Variants in TPCN1 observed in about 807,000 individuals in gnomAD.
TPCN1 encodes two pore channel protein 1.
A neutral mutation model predicts 108.8 loss-of-function variants in TPCN1; 52 were observed. That is an observed-to-expected ratio of 0.48 (90% CI 0.38 to 0.60). The LOEUF is 0.60. TPCN1 is among the 20% of genes least tolerant of loss of function. TPCN1 has a pLI of 0.00. For synonymous variants in TPCN1, 446 were observed against 433.7 expected (o/e 1.03, Z -0.35); for missense variants, 806 against 1,072.8 (o/e 0.75, Z 3.47).
chr12:113,272,564 C>T lies in TPCN1; in HGVS notation c.749-94C>T, dbSNP rs1955538930. 8 of 1,140,310 alleles carry T rather than the reference C, an allele frequency of 7.0e-6. No individual in the cohort carries two copies. Among genetic ancestry groups the T allele is most frequent in the African/African-American group, 1.5e-5 (1 of 65,334 alleles). The allele number at this position is 1,140,310 out of a possible 1,614,324, so 70.6% of individuals were successfully genotyped here. ...CCCTGCTGCTCTTCCTGACCTGCTGCGTTCATTTGCATGTATTTGTCCAGT... is the reference window on the plus strand; with the variant it reads ...CCCTGCTGCTCTTCCTGACCTGCTGTGTTCATTTGCATGTATTTGTCCAGT... On this transcript the variant is annotated intron_variant, in intron 7 of 27. Coordinates refer to ENST00000335509, the MANE Select transcript of TPCN1 (RefSeq NM_017901.6). The surrounding 1 kb of genome is among the most constrained non-coding windows in gnomAD (Gnocchi z 4.1).
In TPCN1 at chr12:113,232,748, T is replaced by TC. The variant is rs1267435293; in HGVS notation, c.112+5785dup. ...TGAGAGCATGTGTGTGATCACATGG[T>TC]CAGTGCTCAGCCGGTCATAGGCATT... On this transcript the variant is annotated intron_variant, in intron 2 of 27. Transcript: ENST00000335509. This position sits in a 1 kb window ranked among gnomAD's most constrained non-coding sequence, Gnocchi z 5.6. 6.6e-6 allele frequency among the ~76,000 whole-genome samples: 1 copy of TC among 152,160 alleles called. No individual in the cohort carries two copies. Among genetic ancestry groups the TC allele is most frequent in the African/African-American group, 2.4e-5 (1 of 41,432 alleles).
At chr12:113,277,147 G>A (rs1955701944) in intron 11 of TPCN1, 93 bp from the exon 12 acceptor site, 1 of 1,603,842 alleles carries the variant, frequency 6.2e-7, no homozygotes, top group East Asian at 2.2e-5. Context: ...CCCTGCCCTT[G>A]GAAGAATGAA....
intron 18 of TPCN1, among the ~76,000 whole-genome samples, chr12:113,286,196 C>A (rs1956068461): frequency 6.6e-6 from 1 of 152,200 alleles, no homozygotes; most frequent in African/African-American, 2.4e-5. Flanking sequence ...GAAACGGCCT[C>A]TTGAGGTGCC....
At position 113,293,279 on chromosome 12, in the gene TPCN1, T is replaced by C. The variant is rs142825186; in HGVS notation, c.2264T>C (p.Met755Thr). The change falls in exon 27 of 28, where the codon ATG becomes ACG. Residue 755 changes from methionine to threonine, a missense_variant. Transcript: ENST00000335509. ...SQMERYQQHS[M>T]VFLGRRSRTK... ...TCTGCTCTTCCTTAGCAACATTCCA[T>C]GGTGTTTCTGGGACGGCGATCAAGG... 916 of 1,613,966 alleles carry C rather than the reference T, an allele frequency of 5.7e-4. 1 individual carries two copies. The highest frequency in any genetic ancestry group is 6.7e-4 in the Non-Finnish European group (788 of 1,179,980).
chr12:113,240,251 A>G (rs1015976555), intron 2 of TPCN1, among the ~76,000 whole-genome samples: 10 of 152,214 alleles, frequency 6.6e-5, no homozygotes, highest in African/African-American at 2.4e-4. Flanking sequence ...GACGCCGTCC[A>G]GAGTGTATGG....
chr12:113,279,662 C>T (rs1171534556), intron 14 of TPCN1, among the ~76,000 whole-genome samples: 1 of 151,790 alleles, frequency 6.6e-6, no homozygotes, highest in African/African-American at 2.4e-5. Flanking sequence ...CCTCGGCCTC[C>T]CAAAGGCCTG....
intron 10 of TPCN1, among the ~76,000 whole-genome samples, chr12:113,275,563 G>A (rs1034415557): frequency 6.7e-6 from 1 of 148,354 alleles, no homozygotes; most frequent in Non-Finnish European, 1.5e-5. Context: ...GTCTTAAAAA[G>A]GAGAAAATAT....
At chr12:113,241,603 A>G (rs1954127937) in intron 2 of TPCN1, among the ~76,000 whole-genome samples, 1 of 152,172 alleles carries the variant, frequency 6.6e-6, no homozygotes, top group East Asian at 1.9e-4. Flanking sequence ...GCACAGTGAA[A>G]AATGCCTTTA....
intron 2 of TPCN1, among the ~76,000 whole-genome samples, 163 bp downstream of exon 2, chr12:113,227,127 G>A (rs1054614123): frequency 3.9e-5 from 6 of 152,324 alleles, no homozygotes; most frequent in African/African-American, 7.2e-5. Context: ...GAGGCTGTGT[G>A]TTTCTCCTTC....
chr12:113,263,094 A>G (rs1253323717), intron 3 of TPCN1, among the ~76,000 whole-genome samples: 1 of 152,214 alleles, frequency 6.6e-6, no homozygotes, highest in African/African-American at 2.4e-5. Context: ...ATATCCATAC[A>G]TATCTCAAAA....
intron 3 of TPCN1, among the ~76,000 whole-genome samples, chr12:113,265,791 C>A (rs1457270473): frequency 1.3e-5 from 2 of 152,094 alleles, no homozygotes; most frequent in East Asian, 3.9e-4. Context: ...AGCCACCGCA[C>A]CCAGCCCCTC....
intron 2 of TPCN1, among the ~76,000 whole-genome samples, chr12:113,247,118 C>T (rs763263289): frequency 6.6e-6 from 1 of 152,188 alleles, no homozygotes; most frequent in Non-Finnish European, 1.5e-5. Flanking sequence ...CCAGTGGGCA[C>T]GATGGGCTTC....
At chr12:113,270,597 C>T (rs1209596438) in intron 7 of TPCN1, among the ~76,000 whole-genome samples, 1 of 152,010 alleles carries the variant, frequency 6.6e-6, no homozygotes, top group Admixed American at 6.6e-5. Context: ...TCTCCTGCCT[C>T]AGCCTCCCGA....
intron 3 of TPCN1, among the ~76,000 whole-genome samples, 200 bp from the exon 4 acceptor site, chr12:113,265,980 T>C (rs920000314): frequency 2.0e-5 from 3 of 152,170 alleles, no homozygotes; most frequent in Non-Finnish European, 2.9e-5. Flanking sequence ...GCAAATCTCT[T>C]GAGCCCATCA....
rs1955381224 is a variant in TPCN1 at position 113,268,805 on chromosome 12, G to A, written c.592G>A (p.Val198Met). ...GGTGTTGGTACGGCAGATGTCCCAT[G>A]TGCGGGTGACCCGAGCACTGCGCTG... is the stretch of plus-strand genomic sequence containing the variant. ...IVVLVRQMSH[V>M]RVTRALRCIF... Residue 198 changes from valine to methionine, a missense_variant, in exon 6 of 28, where the codon GTG becomes ATG. Transcript: ENST00000335509. This position sits in a 1 kb window ranked among gnomAD's most constrained non-coding sequence, Gnocchi z 7.3. The A allele has an allele frequency of 3.7e-6, 6 of 1,614,156 alleles. No individual in the cohort carries two copies. The highest frequency in any genetic ancestry group is 2.2e-5 in the East Asian group (1 of 44,880).
chr12:113,255,823 C>T, intron 2 of TPCN1, among the ~76,000 whole-genome samples: 1 of 151,904 alleles, frequency 6.6e-6, no homozygotes, highest in East Asian at 1.9e-4. Flanking sequence ...AGCCACTGTG[C>T]CTGGCCTGTT....
intron 17 of TPCN1, 117 bp from the exon 18 acceptor site, chr12:113,285,772 C>T (rs1369693098): frequency 1.1e-6 from 1 of 888,110 alleles, no homozygotes; most frequent in Admixed American, 1.8e-5. Flanking sequence ...CTGGGCTCAG[C>T]CTGGAGGGCT....
chr12:113,285,744 C>G, intron 17 of TPCN1, 145 bp from the exon 18 acceptor site: 1 of 713,854 alleles, frequency 1.4e-6, no homozygotes, highest in Non-Finnish European at 2.5e-6. Flanking sequence ...TGCTCTCACG[C>G]TGGGACATGA....
chr12:113,276,889 G>A, intron 10 of TPCN1, 30 bp from the exon 11 acceptor site: 1 of 1,519,348 alleles, frequency 6.6e-7, no homozygotes, highest in East Asian at 2.2e-5. Context: ...TCAAGGTCCT[G>A]AGCTAGGGCT....
Sources: gnomAD v4.1 joint callset for allele counts (sites outside exome capture counted in the v4.1 genomes callset) on GRCh38, gnomAD v4.1.1 for gene constraint, Gnocchi (gnomAD v3.1) non-coding constraint, MANE v1.5 for transcripts, NCBI Gene and HGNC (gene_info 2026-07-23, HGNC 2026-07-21) for gene names.